CSRNP3: variants seen among roughly 807,000 people sequenced by gnomAD.
CSRNP3 encodes the protein cysteine and serine rich nuclear protein 3, also known as cysteine/serine-rich nuclear protein 3.
Under a neutral mutation model 48.0 loss-of-function variants are expected in CSRNP3, and 12 were observed. That is an observed-to-expected ratio of 0.25 (90% CI 0.16 to 0.41). The LOEUF (loss-of-function observed/expected upper bound fraction) is 0.41. Among genes scored for constraint, CSRNP3 ranks in the 10% least tolerant of loss-of-function variants. The pLI is 1.00. For missense variants in CSRNP3, 580 were observed against 724.4 expected (o/e 0.80, Z 2.29); for synonymous variants, 263 against 269.7 (o/e 0.98, Z 0.24).
chr2:165,681,367 CTT>C lies in CSRNP3; in HGVS notation c.*1615_*1616del, dbSNP rs1195625679. On this transcript the variant is annotated 3_prime_UTR_variant, in exon 7 of 7. Transcript: ENST00000651982. ...CTACTTATTTTTTATGTCTTTTAGA[CTT>C]GGGTGTTTAGAATTATGGATATAAA... The C allele has an allele frequency of 2.0e-5, 3 of 151,786 alleles. No homozygotes were observed. Among genetic ancestry groups the C allele is most frequent in the Admixed American group, 6.6e-5 (1 of 15,222 alleles). 9.4% of individuals were successfully genotyped at this position (151,786 alleles called of 1,614,324 possible).
At chr2:165,586,429 A>G (rs143666518) in intron 3 of CSRNP3, among the ~76,000 whole-genome samples, 4 of 152,370 alleles carry the variant, frequency 2.6e-5, no homozygotes, top group South Asian at 4.1e-4. Flanking sequence ...ACAAAAAACA[A>G]CAAAAAAGTA....
At chr2:165,627,919 C>T (rs1270153954) in intron 4 of CSRNP3, among the ~76,000 whole-genome samples, 1 of 152,166 alleles carries the variant, frequency 6.6e-6, no homozygotes, top group South Asian at 2.1e-4. Context: ...ACCCATTCTT[C>T]AGTAGACTCG....
intron 3 of CSRNP3, among the ~76,000 whole-genome samples, chr2:165,526,022 T>C (rs1013134412): frequency 6.6e-6 from 1 of 152,218 alleles, no homozygotes; most frequent in African/African-American, 2.4e-5. Context: ...AAATTGACTT[T>C]GCATTTTTGT....
At chr2:165,594,875 T>C (rs967067484) in intron 3 of CSRNP3, among the ~76,000 whole-genome samples, 168 bp from the exon 4 acceptor site, 1 of 152,202 alleles carries the variant, frequency 6.6e-6, no homozygotes, top group Non-Finnish European at 1.5e-5. Context: ...TTTAATCTTA[T>C]TTTTGTTAAT....
At chr2:165,616,690 A>G (rs759850698) in intron 4 of CSRNP3, among the ~76,000 whole-genome samples, 3 of 152,116 alleles carry the variant, frequency 2.0e-5, no homozygotes, top group East Asian at 1.9e-4. Context: ...AAAATTACCT[A>G]TCTTTGACTT....
chr2:165,582,687 A>G (rs575801333), intron 3 of CSRNP3, among the ~76,000 whole-genome samples: 2 of 152,300 alleles, frequency 1.3e-5, no homozygotes, highest in Admixed American at 1.3e-4. Flanking sequence ...CTGGATACCC[A>G]CCAAAGCTGG....
At chr2:165,637,488 A>G (rs542326871) in intron 4 of CSRNP3, among the ~76,000 whole-genome samples, 7 of 152,336 alleles carry the variant, frequency 4.6e-5, no homozygotes, top group African/African-American at 1.4e-4. Flanking sequence ...TAGTACTCAT[A>G]GCTGGTCATG....
chr2:165,515,449 T>C (rs1486970660), intron 2 of CSRNP3, among the ~76,000 whole-genome samples: 1 of 151,754 alleles, frequency 6.6e-6, no homozygotes, highest in Non-Finnish European at 1.5e-5. Flanking sequence ...TATTTGGCTG[T>C]CAAATACAAT....
At chr2:165,633,742 A>G (rs1686577015) in intron 4 of CSRNP3, among the ~76,000 whole-genome samples, 1 of 152,210 alleles carries the variant, frequency 6.6e-6, no homozygotes, top group African/African-American at 2.4e-5. Context: ...GGCACATAGT[A>G]GTTGCTCCAT....
chr2:165,588,280 A>G (rs1355547027), intron 3 of CSRNP3, among the ~76,000 whole-genome samples: 1 of 152,236 alleles, frequency 6.6e-6, no homozygotes, highest in Non-Finnish European at 1.5e-5. Flanking sequence ...TGAAGAGGTT[A>G]GACAAGCTAG....
intron 1 of CSRNP3, among the ~76,000 whole-genome samples, chr2:165,473,774 T>C (rs1178934240): frequency 6.6e-6 from 1 of 152,156 alleles, no homozygotes; most frequent in Non-Finnish European, 1.5e-5. Flanking sequence ...TGTCAATTGC[T>C]TAGATTTCAG....
chr2:165,617,990 G>A (rs1025831645), intron 4 of CSRNP3, among the ~76,000 whole-genome samples: 32 of 152,222 alleles, frequency 2.1e-4, no homozygotes, highest in African/African-American at 7.5e-4. Flanking sequence ...AGGGCAGGGT[G>A]TAGTCTGAAT....
intron 4 of CSRNP3, among the ~76,000 whole-genome samples, chr2:165,627,869 C>G (rs1417573333): frequency 6.6e-6 from 1 of 152,172 alleles, no homozygotes; most frequent in Non-Finnish European, 1.5e-5. Context: ...ACATGTTCCT[C>G]CCACAGTACA....
chr2:165,607,888 G>C (rs555518822), intron 4 of CSRNP3, among the ~76,000 whole-genome samples: 3 of 151,632 alleles, frequency 2.0e-5, no homozygotes, highest in Non-Finnish European at 4.4e-5. Context: ...TTCTTCTTTC[G>C]CAAAATGTGA....
chr2:165,482,763 A>G (rs935626273), intron 1 of CSRNP3, among the ~76,000 whole-genome samples: 3 of 152,174 alleles, frequency 2.0e-5, no homozygotes, highest in African/African-American at 7.2e-5. Context: ...ATAAAAATCA[A>G]TGTTCTCATT....
chr2:165,560,639 T>A (rs972615140), intron 3 of CSRNP3, among the ~76,000 whole-genome samples: 2 of 152,180 alleles, frequency 1.3e-5, no homozygotes, highest in African/African-American at 4.8e-5. Context: ...ACTGCAGTTT[T>A]GTAGCATTTG....
chr2:165,679,198 C>T lies in CSRNP3; in HGVS notation c.1203C>T (p.Ala401=), dbSNP rs754000348. ...DGFVEGLGTH[A]EVVPLPSVLC... is the part of the protein sequence containing the mutation. ...TCGTGGAAGGTTTGGGCACCCATGC[C>T]GAAGTTGTCCCTCTTCCTTCAGTTC... is the stretch of plus-strand genomic sequence containing the variant. Residue 401 remains alanine, a synonymous_variant, in exon 7 of 7, where the codon GCC becomes GCT. Transcript: ENST00000651982. 9.9e-6 allele frequency: 16 copies of T among 1,613,734 alleles called. No individual in the cohort carries two copies. The highest frequency in any genetic ancestry group is 6.7e-5 in the African/African-American group (5 of 74,836).
intron 5 of CSRNP3, among the ~76,000 whole-genome samples, chr2:165,659,083 CA>C (rs1486786925): frequency 6.6e-6 from 1 of 152,114 alleles, no homozygotes; most frequent in African/African-American, 2.4e-5. Flanking sequence ...CAAAAGTCGT[CA>C]AGAGTTTTAA....
At chr2:165,492,359 C>A (rs886514153) in intron 1 of CSRNP3, among the ~76,000 whole-genome samples, 17 of 152,090 alleles carry the variant, frequency 1.1e-4, no homozygotes, top group Non-Finnish European at 1.3e-4. Context: ...TAGCCAAAGT[C>A]CTTGAAGGCT....
Sources: allele counts gnomAD v4.1 joint callset (sites outside exome capture counted in the v4.1 genomes callset), GRCh38; gene constraint gnomAD v4.1.1; transcripts MANE v1.5; gene names NCBI Gene and HGNC (gene_info 2026-07-23, HGNC 2026-07-21).